The following TTF2 variants were observed in gnomAD, a reference collection of about 807,000 sequenced individuals.
TTF2 encodes transcription termination factor 2.
A neutral mutation model predicts 142.4 loss-of-function variants in TTF2; 108 were observed. The observed-to-expected ratio is 0.76, with a 90% CI of 0.65 to 0.89. The LOEUF is 0.89. TTF2 is among the 40% of genes least tolerant of loss of function. The probability of loss-of-function intolerance (pLI) is 0.00; values close to 1 mark genes in which losing one functional copy is unlikely to be tolerated. For synonymous variants in TTF2, 483 were observed against 506.2 expected (o/e 0.95, Z 0.61); for missense variants, 1,327 against 1,379.8 (o/e 0.96, Z 0.61).
chr1:117,097,384 G>T lies in TTF2; in HGVS notation c.3220G>T (p.Gly1074Cys). Reference protein sequence around the residue: ...MLISLLAGGVGLNLTGGNHLF... With the variant: ...MLISLLAGGVCLNLTGGNHLF... ...AATCTCTCTCTTGGCCGGAGGTGTT[G>T]GTCTAAACCTGACTGGAGGAAATCA... is the stretch of plus-strand genomic sequence containing the variant. The change falls in exon 21 of 23, where the codon GGT becomes TGT. Residue 1074 changes from glycine to cysteine, a missense_variant. Physicochemically the swap from Gly to Cys is radical, Grantham distance 159. Transcript: ENST00000369466. The surrounding 1 kb of genome is among the most constrained non-coding windows in gnomAD (Gnocchi z 4.1). 5 of 1,614,094 alleles carry T rather than the reference G, an allele frequency of 3.1e-6. No individual in the cohort carries two copies. Among genetic ancestry groups the T allele is most frequent in the Non-Finnish European group, 4.2e-6 (5 of 1,180,002 alleles).
intron 3 of TTF2, among the ~76,000 whole-genome samples, chr1:117,072,644 C>G (rs191050768): frequency 6.6e-5 from 10 of 152,000 alleles, no homozygotes; most frequent in Admixed American, 5.2e-4. Flanking sequence ...AGGATGGTCT[C>G]GATCTCTTGA....
chr1:117,065,360 AGGCCAAGGCG>A (rs1331426053), intron 3 of TTF2, among the ~76,000 whole-genome samples: 1 of 152,224 alleles, frequency 6.6e-6, no homozygotes, highest in Non-Finnish European at 1.5e-5. Context: ...GCACTTTGGG[AGGCCAAGGCG>A]GGCGGATCAC....
chr1:117,077,103 C>T (rs1026889169), intron 7 of TTF2, among the ~76,000 whole-genome samples: 1 of 151,432 alleles, frequency 6.6e-6, no homozygotes, highest in Non-Finnish European at 1.5e-5. Flanking sequence ...TAGGTATGTA[C>T]GTATGGGGAA....
In TTF2 at chr1:117,089,905, G is replaced by GT. The variant is rs1648414943; in HGVS notation, c.2343-150_2343-149insT. ...ACATCCTTTTGATCTGTCCAGCAAA[G>GT]GTTTGCTATGAAATTCACTTTTAAA... On this transcript the variant is annotated intron_variant, in intron 13 of 22. Coordinates refer to ENST00000369466, the MANE Select transcript of TTF2 (RefSeq NM_003594.4). 15 of 835,652 alleles carry GT rather than the reference G, an allele frequency of 1.8e-5. No individual in the cohort carries two copies. The South Asian group carries it at 2.6e-4, about 14-fold the overall frequency. 51.8% of individuals were successfully genotyped at this position (835,652 alleles called of 1,614,324 possible).
chr1:117,083,708 G>A (rs1191934888), intron 10 of TTF2, among the ~76,000 whole-genome samples: 2 of 152,184 alleles, frequency 1.3e-5, no homozygotes, highest in Non-Finnish European at 2.9e-5. Flanking sequence ...CAGTTTAAAA[G>A]ACCATTTCTT....
chr1:117,088,210 C>T (rs956465034), intron 12 of TTF2, among the ~76,000 whole-genome samples: 1 of 152,130 alleles, frequency 6.6e-6, no homozygotes, highest in Non-Finnish European at 1.5e-5. Flanking sequence ...TAGTCATGGT[C>T]TACAGCCATT....
rs765255089 is a variant in TTF2 at position 117,075,640 on chromosome 1, C to T, written c.1056C>T (p.Asp352=). ...GEGREAATSS[D]DEEEDDVVFV... ...GCCGTGAAGCTGCCACAAGCAGTGA[C>T]GACGAGGAGGAAGATGATGTTGTTT... The change falls in exon 5 of 23, where the codon GAC becomes GAT. Residue 352 remains aspartate, a synonymous_variant. Transcript: ENST00000369466. This position sits in a 1 kb window ranked among gnomAD's most constrained non-coding sequence, Gnocchi z 4.5. 14 of 1,613,980 alleles carry T rather than the reference C, an allele frequency of 8.7e-6. No individual in the cohort carries two copies. Among genetic ancestry groups the T allele is most frequent in the African/African-American group, 8.0e-5 (6 of 74,904 alleles).
chr1:117,084,549 G>A (rs997126061), intron 11 of TTF2, among the ~76,000 whole-genome samples: 1 of 152,168 alleles, frequency 6.6e-6, no homozygotes, highest in African/African-American at 2.4e-5. Flanking sequence ...CATCTTGATA[G>A]AATGCTAATG....
intron 3 of TTF2, among the ~76,000 whole-genome samples, chr1:117,064,086 A>G (rs1276868549): frequency 6.6e-6 from 1 of 152,174 alleles, no homozygotes; most frequent in Non-Finnish European, 1.5e-5. Flanking sequence ...CAATTGTTAC[A>G]TAAGTGGAAT....
chr1:117,076,743 G>T lies in TTF2; in HGVS notation c.1493G>T (p.Arg498Leu), dbSNP rs151058269. 6.2e-7 allele frequency: 1 copy of T among 1,614,064 alleles called. No homozygotes were observed. The highest frequency in any genetic ancestry group is 1.7e-5 in the Admixed American group (1 of 60,022). ...GTGCCTCCCCAACCCCTTCCTCGTC[G>T]TGGTACCCAACCTGTGGGTTCTCTA... Reference protein sequence around the residue: ...HLVPPQPLPRRGTQPVGSLEL... With the variant: ...HLVPPQPLPRLGTQPVGSLEL... Residue 498 changes from arginine to leucine, a missense_variant, in exon 7 of 23, where the codon CGT (arginine) becomes CTT (leucine). Physicochemically the swap from Arg to Leu is moderately radical, Grantham distance 102. Coordinates refer to ENST00000369466, the MANE Select transcript of TTF2 (RefSeq NM_003594.4). This position sits in a 1 kb window ranked among gnomAD's most constrained non-coding sequence, Gnocchi z 4.6.
At position 117,075,643 on chromosome 1, in the gene TTF2, C is replaced by G; in HGVS notation, c.1059C>G (p.Asp353Glu). The G allele has an allele frequency of 6.2e-7, 1 of 1,614,106 alleles. No homozygotes were observed. The highest frequency in any genetic ancestry group is 8.5e-7 in the Non-Finnish European group (1 of 1,180,020). ...EGREAATSSD[D>E]EEEDDVVFVS... ...GTGAAGCTGCCACAAGCAGTGACGA[C>G]GAGGAGGAAGATGATGTTGTTTTTG... is the stretch of plus-strand genomic sequence containing the variant. Residue 353 changes from aspartate (D) to glutamate (E), a missense_variant, in exon 5 of 23, where the codon GAC becomes GAG. Asp to Glu is a conservative substitution (Grantham distance 45). Transcript: ENST00000369466. This position sits in a 1 kb window ranked among gnomAD's most constrained non-coding sequence, Gnocchi z 4.5.
At chr1:117,081,392 G>A (rs1647497613) in intron 9 of TTF2, among the ~76,000 whole-genome samples, 1 of 152,190 alleles carries the variant, frequency 6.6e-6, no homozygotes, top group South Asian at 2.1e-4. Context: ...CTCTTTTGAT[G>A]AATAAGTTAA....
At chr1:117,077,808 C>T in intron 7 of TTF2, 108 bp from the exon 8 acceptor site, 1 of 1,441,446 alleles carries the variant, frequency 6.9e-7, no homozygotes, top group Non-Finnish European at 9.5e-7. Flanking sequence ...GAGTAGTTAA[C>T]AAGGAGGGTA....
chr1:117,084,433 G>A (rs1647831848), intron 11 of TTF2, among the ~76,000 whole-genome samples: 1 of 152,228 alleles, frequency 6.6e-6, no homozygotes, highest in Admixed American at 6.5e-5. Context: ...TCAGGTGACA[G>A]CAGCATTCCC....
At position 117,102,911 on chromosome 1, in the gene TTF2, G is replaced by A. The variant is rs903431684; in HGVS notation, c.*1387G>A. ...ACCAAACCCACTTCCTTTTCCTCCC[G>A]GGCACCCAGAGAGACTGTATTTCCC... is the stretch of plus-strand genomic sequence containing the variant. On this transcript the variant is annotated 3_prime_UTR_variant, in exon 23 of 23. Transcript: ENST00000369466. The A allele has an allele frequency of 6.6e-6, 1 of 152,062 alleles. No individual in the cohort carries two copies. Among genetic ancestry groups the A allele is most frequent in the Non-Finnish European group, 1.5e-5 (1 of 68,020 alleles). 9.4% of individuals were successfully genotyped at this position (152,062 alleles called of 1,614,324 possible).
chr1:117,070,786 G>C lies in TTF2; in HGVS notation c.219-2875G>C, dbSNP rs1656512330. Among the ~76,000 whole-genome samples, 1 of 152,198 alleles carries C rather than the reference G, an allele frequency of 6.6e-6. No homozygotes were observed. Among genetic ancestry groups the C allele is most frequent in the Admixed American group, 6.5e-5 (1 of 15,274 alleles). On this transcript the variant is annotated intron_variant, in intron 3 of 22. Transcript: ENST00000369466. This position sits in a 1 kb window ranked among gnomAD's most constrained non-coding sequence, Gnocchi z 4.2. ...GAACTTGGATGGGAAAATTGTGTTT[G>C]TACAAGAGGGAGGGGCTGGACCTAT...
rs1647959440 is a variant in TTF2 at position 117,085,952 on chromosome 1, A to G, written c.2055-465A>G. Among the ~76,000 whole-genome samples the G allele has an allele frequency of 6.6e-6, 1 of 152,216 alleles. No individual in the cohort carries two copies. The highest frequency in any genetic ancestry group is 1.5e-5 in the Non-Finnish European group (1 of 68,044). ...GTGGTGGGAGGAAAGCACCATTGAT[A>G]CAAGGTGAACAGTGTTTTGAAGTTA... On this transcript the variant is annotated intron_variant, in intron 11 of 22. Coordinates refer to ENST00000369466, the MANE Select transcript of TTF2 (RefSeq NM_003594.4). The surrounding 1 kb of genome is among the most constrained non-coding windows in gnomAD (Gnocchi z 4.7).
Position 117,060,358 on chromosome 1 carries a change from T to C in TTF2, c.12T>C (p.Val4=), listed in dbSNP as rs767596204. MEE[V]RCPEHGTFCF... ...GGGGACCCAGCGAAATGGAAGAAGTTAGGTGTCCAGAGCACGGTAAGGGGC... is the reference window on the plus strand; with the variant it reads ...GGGGACCCAGCGAAATGGAAGAAGTCAGGTGTCCAGAGCACGGTAAGGGGC... Residue 4 remains valine, a synonymous_variant, in exon 1 of 23, where the codon GTT becomes GTC. Transcript: ENST00000369466. 4.4e-6 allele frequency: 7 copies of C among 1,600,562 alleles called. No individual in the cohort carries two copies. Among genetic ancestry groups the C allele is most frequent in the African/African-American group, 2.7e-5 (2 of 74,328 alleles).
At chr1:117,064,103 G>A (rs1368605944) in intron 3 of TTF2, among the ~76,000 whole-genome samples, 1 of 152,134 alleles carries the variant, frequency 6.6e-6, no homozygotes, top group Admixed American at 6.5e-5. Context: ...GAATCATAAA[G>A]TATAACTTTG....
Sources: gnomAD v4.1 joint callset for allele counts (sites outside exome capture counted in the v4.1 genomes callset) on GRCh38, gnomAD v4.1.1 for gene constraint, Gnocchi (gnomAD v3.1) non-coding constraint, MANE v1.5 for transcripts, NCBI Gene and HGNC (gene_info 2026-07-23, HGNC 2026-07-21) for gene names.